Variants in NF1 observed in about 807,000 individuals in gnomAD.
NF1 encodes the protein neurofibromin.
NF1 carries 122 observed loss-of-function variants against 325.7 expected under a neutral mutation model. The ratio of observed to expected loss-of-function variants is 0.37; its 90% confidence interval spans 0.32 to 0.44. The LOEUF is 0.44. Among genes scored for constraint, NF1 ranks in the 20% least tolerant of loss-of-function variants. NF1 has a pLI of 1.00. For missense variants in NF1, 2,140 were observed against 3,415.4 expected (o/e 0.63, Z 9.31); for synonymous variants, 1,091 against 1,186.0 (o/e 0.92, Z 1.65).
intron 36 of NF1, among the ~76,000 whole-genome samples, chr17:31,278,493 CTTTTTTTTTTTTTTTTTTTTTTTTT>C (rs200450821): frequency 2.0e-4 from 3 of 15,340 alleles, no homozygotes; most frequent in Non-Finnish European, 3.8e-4. Flanking sequence ...GTAATTGAAG[CTTTTTTTTTTTTTTTTTTTTTTTTT>C]TTTTTTTTTT....
chr17:31,142,866 CAA>C (rs34391793), intron 1 of NF1, among the ~76,000 whole-genome samples: 188 of 138,226 alleles, frequency 1.4e-3, no homozygotes, highest in South Asian at 2.0e-3. Context: ...GACTCTGTCT[CAA>C]AAAAAAAAAA....
At chr17:31,262,183 G>A (rs2067698159) in intron 35 of NF1, among the ~76,000 whole-genome samples, 1 of 152,094 alleles carries the variant, frequency 6.6e-6, no homozygotes, top group Non-Finnish European at 1.5e-5. Flanking sequence ...GTGAATAATT[G>A]ACTTGCCTAA....
chr17:31,325,438 G>A (rs11867465), intron 36 of NF1, among the ~76,000 whole-genome samples: 18,213 of 152,160 alleles, frequency 0.12, 2,995 homozygotes, highest in African/African-American at 0.37. Context: ...TGTGATCAAG[G>A]TGGGATAAAT....
chr17:31,325,318 C>A (rs1255874232), intron 36 of NF1, among the ~76,000 whole-genome samples: 11 of 152,156 alleles, frequency 7.2e-5, no homozygotes, highest in Non-Finnish European at 1.5e-4. Context: ...TTTATAAACA[C>A]CAGGAAAGAA....
intron 8 of NF1, among the ~76,000 whole-genome samples, chr17:31,193,586 A>T (rs1047057370): frequency 6.6e-6 from 1 of 152,196 alleles, no homozygotes; most frequent in Non-Finnish European, 1.5e-5. Context: ...AACCTACAGG[A>T]TGGGAGAAAA....
intron 8 of NF1, among the ~76,000 whole-genome samples, chr17:31,199,448 A>T (rs1208879798): frequency 1.3e-5 from 2 of 152,132 alleles, no homozygotes; most frequent in Non-Finnish European, 2.9e-5. Flanking sequence ...GTATGATTTC[A>T]GTTTCTTTAA....
chr17:31,141,937 T>C (rs1916248188), intron 1 of NF1, among the ~76,000 whole-genome samples: 1 of 152,202 alleles, frequency 6.6e-6, no homozygotes, highest in South Asian at 2.1e-4. Flanking sequence ...ATGGTTATTT[T>C]CTTTGTTTTT....
At chr17:31,123,591 A>T (rs1914619854) in intron 1 of NF1, among the ~76,000 whole-genome samples, 1 of 152,206 alleles carries the variant, frequency 6.6e-6, no homozygotes, top group South Asian at 2.1e-4. Flanking sequence ...GCCAGATGGC[A>T]TTTTAAAGAA....
chr17:31,252,522 G>T, intron 30 of NF1: 1 of 214,712 alleles, frequency 4.7e-6, no homozygotes, highest in African/African-American at 2.3e-5. Context: ...AGGATACACA[G>T]AGAAGAATTT....
At chr17:31,319,569 C>CT (rs955287888) in intron 36 of NF1, among the ~76,000 whole-genome samples, 19 of 151,024 alleles carry the variant, frequency 1.3e-4, no homozygotes, top group Non-Finnish European at 2.2e-4. Flanking sequence ...TCAAGGTGTT[C>CT]TTTTTTTTTC....
At chr17:31,284,460 TTTTTAG>T (rs2068185226) in intron 36 of NF1, among the ~76,000 whole-genome samples, 1 of 152,040 alleles carries the variant, frequency 6.6e-6, no homozygotes, top group Admixed American at 6.6e-5. Flanking sequence ...AAGTTTTGTA[TTTTTAG>T]TAGAGATGGG....
chr17:31,320,848 C>A (rs577363592), intron 36 of NF1: 1 of 169,936 alleles, frequency 5.9e-6, no homozygotes, highest in African/African-American at 2.4e-5. Context: ...CTAGACTGGA[C>A]TTCTGTATTA....
intron 27 of NF1, among the ~76,000 whole-genome samples, chr17:31,233,472 A>G (rs1056656895): frequency 3.3e-5 from 5 of 152,200 alleles, no homozygotes; most frequent in Admixed American, 6.5e-5. Flanking sequence ...GTGTCTTCAT[A>G]TATTTGATAA....
chr17:31,162,035 C>CAA (rs781244510), intron 3 of NF1, among the ~76,000 whole-genome samples: 544 of 52,980 alleles, frequency 0.01, 15 homozygotes, highest in East Asian at 0.064. Context: ...GACTCCATCT[C>CAA]AAAAAAAAAA....
intron 18 of NF1, 147 bp downstream of exon 18, chr17:31,226,831 A>G (rs779985605): frequency 6.3e-6 from 7 of 1,118,488 alleles, no homozygotes; most frequent in South Asian, 1.4e-5. Context: ...ACAAAGTAAG[A>G]TGAAAATAAA....
chr17:31,259,044 A>T lies in NF1; in HGVS notation c.4345A>T (p.Ile1449Phe), dbSNP rs2151462976. ...TTTTATTGTGTAGATACTTCAGAGTATTGCCAATCATGTTCTCTTCACAAA... is the reference window on the plus strand; with the variant it reads ...TTTTATTGTGTAGATACTTCAGAGTTTTGCCAATCATGTTCTCTTCACAAA... Reference protein sequence around the residue: ...LKLMSKILQSIANHVLFTKEE... With the variant: ...LKLMSKILQSFANHVLFTKEE... The change falls in exon 33 of 58, where the codon ATT becomes TTT. Residue 1449 changes from isoleucine to phenylalanine, a missense_variant. This residue lies in a region of NF1 where 336 missense variants were observed against 399.0 expected (regional missense o/e 0.84). Coordinates refer to ENST00000358273, the MANE Select transcript of NF1 (RefSeq NM_001042492.3). 6.3e-7 allele frequency: 1 copy of T among 1,597,806 alleles called. No individual in the cohort carries two copies. The highest frequency in any genetic ancestry group is 8.6e-7 in the Non-Finnish European group (1 of 1,169,574).
intron 36 of NF1, chr17:31,319,147 G>T: frequency 2.0e-6 from 2 of 990,804 alleles, no homozygotes; most frequent in East Asian, 2.5e-5. Flanking sequence ...CCTAATATTC[G>T]CTACCCTGAA....
intron 8 of NF1, among the ~76,000 whole-genome samples, chr17:31,183,787 A>T (rs1442607967): frequency 6.6e-6 from 1 of 152,142 alleles, no homozygotes; most frequent in African/African-American, 2.4e-5. Flanking sequence ...GAAAAATGTG[A>T]AAAGAGAGAC....
intron 30 of NF1, chr17:31,250,401 A>C (rs1209456366): frequency 4.6e-6 from 1 of 216,602 alleles, no homozygotes; most frequent in Non-Finnish European, 9.4e-6. Flanking sequence ...CATATTAAAA[A>C]TAGTCTGGGT....
Sources: gnomAD v4.1 joint callset for allele counts (sites outside exome capture counted in the v4.1 genomes callset) on GRCh38, gnomAD v4.1.1 for gene constraint, gnomAD v4.1.1 regional missense constraint, MANE v1.5 for transcripts, NCBI Gene and HGNC (gene_info 2026-07-23, HGNC 2026-07-21) for gene names.